Variants in SHANK2 observed in about 807,000 individuals in gnomAD.
The protein encoded by SHANK2 is SH3 and multiple ankyrin repeat domains protein 2.
A neutral mutation model predicts 133.7 loss-of-function variants in SHANK2; 43 were observed. The observed-to-expected ratio is 0.32, with a 90% confidence interval of 0.25 to 0.41. The LOEUF is 0.41. SHANK2 is among the 10% of genes least tolerant of loss of function. The probability of loss-of-function intolerance (pLI) is 1.00; values close to 1 mark genes in which losing one functional copy is unlikely to be tolerated. For synonymous variants in SHANK2, 1,017 were observed against 952.8 expected (o/e 1.07, Z -1.24); for missense variants, 1,994 against 2,235.8 (o/e 0.89, Z 2.18).
chr11:71,159,349 C>T (rs2135457799), intron 2 of SHANK2, among the ~76,000 whole-genome samples: 1 of 152,278 alleles, frequency 6.6e-6, no homozygotes, highest in East Asian at 1.9e-4. Context: ...TCTTCTGCAG[C>T]CAAATCTCCC....
chr11:70,735,487 C>T (rs879956569), intron 14 of SHANK2, among the ~76,000 whole-genome samples: 6 of 152,100 alleles, frequency 3.9e-5, no homozygotes, highest in East Asian at 1.9e-4. Context: ...AGGCAGATCA[C>T]GAGGTCAGGA....
At chr11:71,230,284 ACT>A (rs1399212081) in intron 1 of SHANK2, among the ~76,000 whole-genome samples, 1 of 151,770 alleles carries the variant, frequency 6.6e-6, no homozygotes, top group East Asian at 1.9e-4. Flanking sequence ...ACAGAGCAAG[ACT>A]CTGCCTTAAA....
At chr11:70,887,343 CCAAA>C (rs1333701800) in intron 11 of SHANK2, among the ~76,000 whole-genome samples, 3 of 146,014 alleles carry the variant, frequency 2.1e-5, no homozygotes, top group East Asian at 4.1e-4. Context: ...AATAAAATCA[CCAAA>C]CAGAGGTCCC....
At chr11:70,717,476 G>A (rs138743487) in intron 14 of SHANK2, among the ~76,000 whole-genome samples, 60 of 152,278 alleles carry the variant, frequency 3.9e-4, no homozygotes, top group African/African-American at 1.4e-3. Context: ...GGCGAAAGCC[G>A]TGATGGAAAC....
chr11:70,948,829 GAAATT>G (rs1406329638), intron 10 of SHANK2, among the ~76,000 whole-genome samples: 1 of 152,216 alleles, frequency 6.6e-6, no homozygotes, highest in African/African-American at 2.4e-5. Flanking sequence ...ATTTTTTAAT[GAAATT>G]CCTGGAAGTT....
chr11:70,863,546 C>T (rs1555068365), intron 11 of SHANK2: 1 of 458,086 alleles, frequency 2.2e-6, no homozygotes. Context: ...CATTTTAACT[C>T]TGGATCCCAG....
chr11:70,920,756 A>AT, intron 10 of SHANK2, among the ~76,000 whole-genome samples: 1 of 152,322 alleles, frequency 6.6e-6, no homozygotes, highest in South Asian at 2.1e-4. Flanking sequence ...TATGTGAAGA[A>AT]TTTTTTGTGC....
At chr11:70,948,973 C>T (rs781884354) in intron 10 of SHANK2, among the ~76,000 whole-genome samples, 3 of 152,128 alleles carry the variant, frequency 2.0e-5, no homozygotes, top group African/African-American at 7.2e-5. Flanking sequence ...CTTTACACTA[C>T]GGCTCATTCT....
At chr11:71,228,183 A>G (rs1012498723) in intron 1 of SHANK2, among the ~76,000 whole-genome samples, 10 of 152,232 alleles carry the variant, frequency 6.6e-5, no homozygotes, top group Non-Finnish European at 1.5e-4. Context: ...CAAGAAATAC[A>G]AACTACTTCA....
intron 11 of SHANK2, among the ~76,000 whole-genome samples, chr11:70,859,919 C>T (rs1312744718): frequency 4.6e-5 from 7 of 152,196 alleles, no homozygotes; most frequent in African/African-American, 7.2e-5. Context: ...CGGGGTCCAG[C>T]TCACAGTTGG....
intron 13 of SHANK2, among the ~76,000 whole-genome samples, chr11:70,805,048 C>G (rs1317213340): frequency 6.6e-6 from 1 of 152,332 alleles, no homozygotes; most frequent in East Asian, 1.9e-4. Flanking sequence ...GAGCATGGGT[C>G]AGTATGCCTG....
intron 14 of SHANK2, among the ~76,000 whole-genome samples, chr11:70,768,064 T>TG (rs1383800318): frequency 3.0e-4 from 45 of 151,204 alleles, no homozygotes; most frequent in African/African-American, 8.7e-4. Flanking sequence ...CTAGCTGGGG[T>TG]GGGGGGGCTG....
At chr11:71,128,486 T>C (rs1952232747) in intron 3 of SHANK2, among the ~76,000 whole-genome samples, 1 of 152,070 alleles carries the variant, frequency 6.6e-6, no homozygotes, top group Non-Finnish European at 1.5e-5. Context: ...GGGGCTGACA[T>C]GGTCAGGAGC....
chr11:71,243,882 T>C (rs1954925263), intron 1 of SHANK2, among the ~76,000 whole-genome samples: 1 of 152,048 alleles, frequency 6.6e-6, no homozygotes, highest in Admixed American at 6.6e-5. Context: ...ATTTTAAAAG[T>C]TTTCACAAAG....
chr11:71,136,855 C>A (rs1952448412), intron 3 of SHANK2, among the ~76,000 whole-genome samples: 1 of 152,150 alleles, frequency 6.6e-6, no homozygotes, highest in Non-Finnish European at 1.5e-5. Flanking sequence ...TAGGAATCAT[C>A]AAATGGTATT....
At chr11:70,883,622 G>A (rs1174862042) in intron 11 of SHANK2, among the ~76,000 whole-genome samples, 4 of 152,204 alleles carry the variant, frequency 2.6e-5, no homozygotes, top group Admixed American at 1.3e-4. Flanking sequence ...ACCTGAGAGG[G>A]TGTGCTGCGG....
chr11:71,171,921 G>A (rs1555112268), intron 2 of SHANK2, among the ~76,000 whole-genome samples: 1 of 103,946 alleles, frequency 9.6e-6, no homozygotes, highest in African/African-American at 3.3e-5. Context: ...GAATCTTGAT[G>A]GGACACAATC....
At position 70,475,005 on chromosome 11, in the gene SHANK2, T is replaced by C. The variant is rs151164758; in HGVS notation, c.4980-1566A>G. ...CTGCAGTGTCTCAGTGAAAGGGTCA[T>C]GGGCAAGAGGGGGAGAGCTGCAAAC... On this transcript the variant is annotated intron_variant, in intron 25 of 25. Coordinates refer to ENST00000601538, the MANE Select transcript of SHANK2 (RefSeq NM_012309.5). 2.8e-3 allele frequency: 428 copies of C among 152,640 alleles called. 1 individual carries two copies. Among genetic ancestry groups the C allele is most frequent in the Admixed American group, 7.7e-3 (117 of 15,286 alleles). The allele number at this position is 152,640 out of a possible 1,614,324, so 9.5% of individuals were successfully genotyped here. A position where few individuals can be genotyped will look rare whatever the true frequency, so the allele number is the denominator to read the frequency against.
chr11:70,690,488 GTTTTTTTTTTTTTTTTTT>G (rs35737323), intron 15 of SHANK2, among the ~76,000 whole-genome samples: 19 of 32,816 alleles, frequency 5.8e-4, no homozygotes, highest in Admixed American at 6.0e-4. Context: ...TACTTCCCAT[GTTTTTTTTTTTTTTTTTT>G]TTTTTTTTTT....
Sources: allele counts gnomAD v4.1 joint callset (sites outside exome capture counted in the v4.1 genomes callset), GRCh38; gene constraint gnomAD v4.1.1; transcripts MANE v1.5; gene names NCBI Gene and HGNC (gene_info 2026-07-23, HGNC 2026-07-21).